The following EXOC4 variants were observed in gnomAD, a reference collection of about 807,000 sequenced individuals.
EXOC4 encodes exocyst complex component 4.
EXOC4 carries 71 observed loss-of-function variants against 107.2 expected under a neutral mutation model. The observed-to-expected ratio is 0.66, with a 90% confidence interval of 0.55 to 0.81. The LOEUF (loss-of-function observed/expected upper bound fraction) is 0.81. Among genes scored for constraint, EXOC4 ranks in the 30% least tolerant of loss-of-function variants. The pLI, the probability that EXOC4 is intolerant of heterozygous loss-of-function variation, is 0.00. For missense variants in EXOC4, 1,108 were observed against 1,189.6 expected (o/e 0.93, Z 1.01); for synonymous variants, 456 against 441.2 (o/e 1.03, Z -0.42).
At chr7:133,324,477 T>TC (rs1795189366) in intron 5 of EXOC4, among the ~76,000 whole-genome samples, 1 of 152,190 alleles carries the variant, frequency 6.6e-6, no homozygotes, top group Non-Finnish European at 1.5e-5. Context: ...TACCCAGTAG[T>TC]ATTCAGGAGC....
the EXOC4 span, among the ~76,000 whole-genome samples, chr7:134,079,285 T>C: frequency 6.6e-6 from 1 of 152,196 alleles, no homozygotes; most frequent in East Asian, 1.9e-4. Context: ...CACAACTATG[T>C]TCTGTCAGCA....
chr7:133,321,869 A>G (rs1192873170), intron 5 of EXOC4, among the ~76,000 whole-genome samples: 1 of 152,046 alleles, frequency 6.6e-6, no homozygotes, highest in Non-Finnish European at 1.5e-5. Context: ...ATTTCTCCAC[A>G]CCCTCTCCAG....
intron 13 of EXOC4, among the ~76,000 whole-genome samples, chr7:133,919,358 A>G (rs749481249): frequency 5.3e-5 from 8 of 152,172 alleles, no homozygotes; most frequent in Non-Finnish European, 1.0e-4. Flanking sequence ...ATAATTGATG[A>G]GCTAATACTG....
chr7:134,046,069 A>G (rs1345035802), intron 17 of EXOC4, among the ~76,000 whole-genome samples: 2 of 152,198 alleles, frequency 1.3e-5, no homozygotes. Flanking sequence ...TAAAGTGTTT[A>G]TATCGAAGTA....
intron 12 of EXOC4, among the ~76,000 whole-genome samples, chr7:133,914,195 C>G (rs984000589): frequency 6.6e-6 from 1 of 151,966 alleles, no homozygotes; most frequent in African/African-American, 2.4e-5. Context: ...TGTAGAAATT[C>G]TGGATAAAAA....
chr7:133,415,240 T>C (rs558929915), intron 7 of EXOC4, among the ~76,000 whole-genome samples: 84 of 152,334 alleles, frequency 5.5e-4, no homozygotes, highest in Admixed American at 2.2e-3. Flanking sequence ...TATGAGCATT[T>C]ATGTTTAAGT....
intron 9 of EXOC4, among the ~76,000 whole-genome samples, chr7:133,569,772 G>T (rs923563944): frequency 1.3e-5 from 2 of 152,140 alleles, no homozygotes; most frequent in African/African-American, 4.8e-5. Flanking sequence ...TCATGAAGAT[G>T]AATATTATTC....
intron 12 of EXOC4, among the ~76,000 whole-genome samples, chr7:133,912,934 G>C (rs1313690874): frequency 6.6e-6 from 1 of 152,072 alleles, no homozygotes; most frequent in Admixed American, 6.6e-5. Flanking sequence ...TTTTAAAATA[G>C]CTTGCCCAAG....
At chr7:133,938,275 G>A (rs62470436) in intron 14 of EXOC4, among the ~76,000 whole-genome samples, 6,565 of 152,294 alleles carry the variant, frequency 0.043, 196 homozygotes, top group Middle Eastern at 0.11. Context: ...TGTGTGGAAT[G>A]TGGGAATCCA....
chr7:133,456,838 A>G (rs1420519775), intron 7 of EXOC4, among the ~76,000 whole-genome samples: 1 of 152,216 alleles, frequency 6.6e-6, no homozygotes, highest in Non-Finnish European at 1.5e-5. Flanking sequence ...TTAAGCTAAT[A>G]AAGGAAATTA....
rs544382738 is a variant in EXOC4, at chr7:133,432,215, G to A, written c.1183-43113G>A. ...TTTTAGAAAGTTAGCATGGGATAGT[G>A]AGGAAAAAAAAACAAAACAGGCTTT... On this transcript the variant is annotated intron_variant, in intron 7 of 17. Transcript: ENST00000253861. Among the ~76,000 whole-genome samples the A allele has an allele frequency of 2.1e-3, 325 of 151,646 alleles. 2 individuals are homozygous for A. The highest frequency in any genetic ancestry group is 2.7e-3 in the Non-Finnish European group (181 of 67,810).
chr7:133,872,716 A>G (rs950970981), intron 11 of EXOC4, among the ~76,000 whole-genome samples: 8 of 152,248 alleles, frequency 5.3e-5, no homozygotes, highest in Non-Finnish European at 2.9e-5. Context: ...TGGTAATTTT[A>G]TGAATCATTA....
intron 7 of EXOC4, among the ~76,000 whole-genome samples, chr7:133,377,071 C>G (rs1418123127): frequency 6.6e-6 from 1 of 152,040 alleles, no homozygotes; most frequent in Non-Finnish European, 1.5e-5. Flanking sequence ...GAAAAATCCA[C>G]CAGGGAGTGG....
rs10231673 is a variant in EXOC4, at chr7:133,487,060, G to T, written c.1417+6922G>T. On this transcript the variant is annotated intron_variant, in intron 9 of 17. Coordinates refer to ENST00000253861, the MANE Select transcript of EXOC4 (RefSeq NM_021807.4). Reference sequence around the variant, plus strand: ...GATTTACTTTATATAAGTTGGATTTGTTTTCTGAATAAATCTGATCCATGC... The same window carrying T: ...GATTTACTTTATATAAGTTGGATTTTTTTTCTGAATAAATCTGATCCATGC... Among the ~76,000 whole-genome samples, 144 of 152,222 alleles carry T rather than the reference G, an allele frequency of 9.5e-4. 1 individual carries two copies. The highest frequency in any genetic ancestry group is 3.2e-3 in the African/African-American group (135 of 41,554).
intron 10 of EXOC4, among the ~76,000 whole-genome samples, chr7:133,806,409 G>A (rs1275057090): frequency 6.6e-6 from 1 of 152,192 alleles, no homozygotes; most frequent in Non-Finnish European, 1.5e-5. Context: ...TCATTTGAAA[G>A]TATCTATCAA....
intron 1 of EXOC4, among the ~76,000 whole-genome samples, chr7:133,272,601 G>A (rs2150521602): frequency 6.6e-6 from 1 of 151,130 alleles, no homozygotes; most frequent in African/African-American, 2.4e-5. Context: ...AAAAAAAAAA[G>A]CTTTAATGGT....
intron 11 of EXOC4, among the ~76,000 whole-genome samples, chr7:133,840,755 A>G (rs1019612255): frequency 2.6e-5 from 4 of 152,124 alleles, no homozygotes; most frequent in African/African-American, 9.7e-5. Flanking sequence ...TGCTGGGATT[A>G]CAGGCGTGAG....
intron 10 of EXOC4, among the ~76,000 whole-genome samples, chr7:133,779,223 T>C (rs1424073690): frequency 6.6e-6 from 1 of 152,186 alleles, no homozygotes. Context: ...TACTGTAAAA[T>C]TTATATCTAC....
chr7:133,786,213 G>A (rs1248322115), intron 10 of EXOC4, among the ~76,000 whole-genome samples: 2 of 152,176 alleles, frequency 1.3e-5, no homozygotes, highest in Admixed American at 1.3e-4. Flanking sequence ...AGCACTGGGG[G>A]CCTCAGCAGG....
Sources: gnomAD v4.1 joint callset for allele counts (sites outside exome capture counted in the v4.1 genomes callset) on GRCh38, gnomAD v4.1.1 for gene constraint, MANE v1.5 for transcripts, NCBI Gene and HGNC (gene_info 2026-07-23, HGNC 2026-07-21) for gene names.